TTLL5: variants seen among roughly 807,000 people sequenced by gnomAD.
TTLL5 encodes tubulin tyrosine ligase like 5.
In TTLL5, 132 loss-of-function variants were observed where a neutral mutation model predicts 168.4. The ratio of observed to expected loss-of-function variants is 0.78; its 90% CI spans 0.68 to 0.91. The LOEUF is 0.91. TTLL5 is among the 40% of genes least tolerant of loss of function. The probability of loss-of-function intolerance (pLI) is 0.00; values close to 1 mark genes in which losing one functional copy is unlikely to be tolerated. For missense variants in TTLL5, 1,545 were observed against 1,581.5 expected (o/e 0.98, Z 0.39); for synonymous variants, 546 against 558.6 (o/e 0.98, Z 0.32).
chr14:75,832,563 TG>T (rs1348293243), intron 28 of TTLL5, among the ~76,000 whole-genome samples: 6 of 152,312 alleles, frequency 3.9e-5, no homozygotes, highest in Admixed American at 3.9e-4. Context: ...TTTTGCTATG[TG>T]GAAAGTGATG....
At chr14:75,920,610 G>A (rs12435389) in intron 31 of TTLL5, among the ~76,000 whole-genome samples, 19,943 of 152,196 alleles carry the variant, frequency 0.13, 1,757 homozygotes, top group Non-Finnish European at 0.19. Context: ...AGTATTCCAC[G>A]GTGTAAATGT....
chr14:75,675,104 T>C (rs550771037), intron 3 of TTLL5, among the ~76,000 whole-genome samples: 6 of 152,140 alleles, frequency 3.9e-5, no homozygotes, highest in Non-Finnish European at 7.4e-5. Context: ...AAATAGGATT[T>C]CCAGTAACTG....
chr14:75,826,540 TTAATC>T (rs1273753814), intron 28 of TTLL5, among the ~76,000 whole-genome samples: 4 of 152,186 alleles, frequency 2.6e-5, no homozygotes, highest in Non-Finnish European at 4.4e-5. Flanking sequence ...ATTTAACTGT[TTAATC>T]TTATTTAACT....
chr14:75,943,295 TCTAGAGGAGACC>T (rs755744040), intron 31 of TTLL5, among the ~76,000 whole-genome samples: 2 of 151,682 alleles, frequency 1.3e-5, no homozygotes, highest in Non-Finnish European at 2.9e-5. Context: ...AGGTGAAGAG[TCTAGAGGAGACC>T]CTTCTAGACT....
intron 9 of TTLL5, chr14:75,712,521 A>G (rs1021707273): frequency 7.4e-5 from 11 of 149,498 alleles, no homozygotes; most frequent in Non-Finnish European, 1.3e-4. Context: ...AAAAAAGAAC[A>G]TGTGGGGTCA....
intron 31 of TTLL5, among the ~76,000 whole-genome samples, chr14:75,939,958 C>A (rs550028386): frequency 6.6e-6 from 1 of 152,116 alleles, no homozygotes; most frequent in Admixed American, 6.6e-5. Context: ...AAACAAAAAT[C>A]ATTATCCTTA....
chr14:75,833,990 T>G (rs1895731486), intron 28 of TTLL5, among the ~76,000 whole-genome samples: 1 of 152,204 alleles, frequency 6.6e-6, no homozygotes, highest in Non-Finnish European at 1.5e-5. Context: ...CAACAGACAT[T>G]ACATGACCAA....
intron 18 of TTLL5, among the ~76,000 whole-genome samples, chr14:75,760,009 G>A (rs780315830): frequency 5.3e-5 from 8 of 152,024 alleles, no homozygotes; most frequent in East Asian, 3.9e-4. Flanking sequence ...GTATAGTAAA[G>A]CAAGGCAGTG....
chr14:75,904,835 G>A (rs1001836823), intron 31 of TTLL5, among the ~76,000 whole-genome samples: 6 of 152,074 alleles, frequency 3.9e-5, no homozygotes, highest in Admixed American at 6.6e-5. Flanking sequence ...GTTCCTGATC[G>A]TTAGTTAAAG....
chr14:75,759,538 A>G (rs1360112256), intron 18 of TTLL5, among the ~76,000 whole-genome samples: 1 of 152,150 alleles, frequency 6.6e-6, no homozygotes, highest in African/African-American at 2.4e-5. Context: ...CGATGCCAGC[A>G]TGACTATGAT....
At chr14:75,886,154 T>G (rs373833365) in intron 30 of TTLL5, among the ~76,000 whole-genome samples, 1 of 152,210 alleles carries the variant, frequency 6.6e-6, no homozygotes, top group Admixed American at 6.5e-5. Flanking sequence ...AACTTCAAAC[T>G]TCTTCTAGCA....
At chr14:75,826,489 A>G (rs1265021287) in intron 28 of TTLL5, among the ~76,000 whole-genome samples, 1 of 152,020 alleles carries the variant, frequency 6.6e-6, no homozygotes, top group African/African-American at 2.4e-5. Flanking sequence ...AGAGAACCCC[A>G]TAGTTTCACA....
chr14:75,902,205 G>A lies in TTLL5; in HGVS notation c.3804G>A (p.Val1268=), dbSNP rs1168905825. The A allele has an allele frequency of 2.5e-6, 4 of 1,614,114 alleles. No homozygotes were observed. Among genetic ancestry groups the A allele is most frequent in the Non-Finnish European group, 3.4e-6 (4 of 1,180,018 alleles). The part of the protein sequence containing the change: ...LQSSLNPAAF[V]PITSSTDPAH... ...GCAGCCTTAACCCTGCAGCCTTTGT[G>A]CCCATCACCAGCTCTACAGGTTAGT... Residue 1268 remains valine, a synonymous_variant, in exon 31 of 32, where the codon GTG becomes GTA. Coordinates refer to ENST00000298832, the MANE Select transcript of TTLL5 (RefSeq NM_015072.5).
At position 75,775,525 on chromosome 14, in the gene TTLL5, C is replaced by G. The variant is rs769802064; in HGVS notation, c.2178C>G (p.Leu726=). Residue 726 remains leucine, a synonymous_variant, in exon 22 of 32, where the codon CTC becomes CTG. Coordinates refer to ENST00000298832, the MANE Select transcript of TTLL5 (RefSeq NM_015072.5). Reference sequence around the variant, plus strand: ...TCCTCAAGCGAGCATCAAATAACCTCCAGCATTCACTGAGGATGGTATTAC... The same window carrying G: ...TCCTCAAGCGAGCATCAAATAACCTGCAGCATTCACTGAGGATGGTATTAC... ...VRFLKRASNN[L]QHSLRMVLPS... is the part of the protein sequence containing the mutation. 29 of 1,613,900 alleles carry G rather than the reference C, an allele frequency of 1.8e-5. No individual in the cohort carries two copies. Among genetic ancestry groups the G allele is most frequent in the Non-Finnish European group, 2.4e-5 (28 of 1,179,992 alleles).
At chr14:75,798,727 A>G (rs1045572450) in intron 27 of TTLL5, among the ~76,000 whole-genome samples, 3 of 152,078 alleles carry the variant, frequency 2.0e-5, no homozygotes, top group Non-Finnish European at 2.9e-5. Context: ...TGACCCAATG[A>G]CCATTCAGGA....
intron 29 of TTLL5, among the ~76,000 whole-genome samples, chr14:75,869,013 A>AGTGTGT (rs3138589): frequency 0.05 from 6,191 of 124,352 alleles, 233 homozygotes; most frequent in Admixed American, 0.11. Flanking sequence ...AGAGGGGAGG[A>AGTGTGT]GTGTGTGTGT....
chr14:75,699,111 G>A, intron 6 of TTLL5, 77 bp from the exon 7 acceptor site: 1 of 1,332,842 alleles, frequency 7.5e-7, no homozygotes, highest in Non-Finnish European at 1.1e-6. Flanking sequence ...AACCCTTTTT[G>A]AAAGTTGATA....
chr14:75,867,274 A>G (rs1324169569), intron 29 of TTLL5, among the ~76,000 whole-genome samples: 1 of 152,224 alleles, frequency 6.6e-6, no homozygotes, highest in Admixed American at 6.5e-5. Flanking sequence ...CCCATAGACT[A>G]GAGTAACAGA....
At chr14:75,728,874 C>G (rs1888354905) in intron 12 of TTLL5, among the ~76,000 whole-genome samples, 1 of 151,896 alleles carries the variant, frequency 6.6e-6, no homozygotes, top group Non-Finnish European at 1.5e-5. Flanking sequence ...GTCCTAGAAC[C>G]CAAGGGAGAA....
Sources: allele counts gnomAD v4.1 joint callset (sites outside exome capture counted in the v4.1 genomes callset), GRCh38; gene constraint gnomAD v4.1.1; transcripts MANE v1.5; gene names NCBI Gene and HGNC (gene_info 2026-07-23, HGNC 2026-07-21).